The following RELN variants were observed in gnomAD, a reference collection of about 807,000 sequenced individuals.
RELN encodes reelin.
Under a neutral mutation model 427.6 loss-of-function variants are expected in RELN, and 108 were observed. The observed-to-expected ratio is 0.25, with a 90% CI of 0.22 to 0.30. The LOEUF is 0.30. Among genes scored for constraint, RELN ranks in the 10% least tolerant of loss-of-function variants. The pLI, the probability that RELN is intolerant of heterozygous loss-of-function variation, is 1.00. For missense variants in RELN, 3,715 were observed against 4,302.8 expected, an observed-to-expected ratio of 0.86 and a Z score of 3.82; for synonymous variants, 1,524 against 1,513.4, an observed-to-expected ratio of 1.01 and a Z score of -0.16.
chr7:103,907,774 CT>C (rs66772046), intron 2 of RELN, among the ~76,000 whole-genome samples: 83,497 of 147,234 alleles, frequency 0.57, 23,801 homozygotes, highest in Non-Finnish European at 0.64. Context: ...GTTTTTTTTT[CT>C]TTTTTAAAAA....
chr7:103,929,855 G>A (rs1383793643), intron 1 of RELN, among the ~76,000 whole-genome samples: 1 of 152,216 alleles, frequency 6.6e-6, no homozygotes, highest in East Asian at 1.9e-4. Context: ...AACGCATCCG[G>A]CAACTCAAAA....
At chr7:103,874,348 T>A (rs1794425229) in intron 2 of RELN, among the ~76,000 whole-genome samples, 1 of 139,816 alleles carries the variant, frequency 7.2e-6, no homozygotes, top group Non-Finnish European at 1.6e-5. Context: ...TGTTGGAAGT[T>A]CTGACCAGGG....
Position 103,653,810 on chromosome 7 carries a change from G to C in RELN, c.1554+283C>G, listed in dbSNP as rs534452210. 8.3e-4 allele frequency among the ~76,000 whole-genome samples: 127 copies of C among 152,144 alleles called. 1 individual carries two copies. The highest frequency in any genetic ancestry group is 1.4e-3 in the Non-Finnish European group (95 of 67,990). On this transcript the variant is annotated intron_variant, in intron 13 of 64. Transcript: ENST00000428762. ...GGGGGCATAATTAGAGTTACATTTA[G>C]GGCTTTCTTGGGGACAAGAATAACT...
chr7:103,849,678 G>C (rs1793771059), intron 2 of RELN, among the ~76,000 whole-genome samples: 1 of 152,114 alleles, frequency 6.6e-6, no homozygotes, highest in Non-Finnish European at 1.5e-5. Flanking sequence ...CATAGAACTG[G>C]AGTCAGTGAA....
At chr7:103,509,256 T>C (rs1298324709) in intron 51 of RELN, among the ~76,000 whole-genome samples, 2 of 152,136 alleles carry the variant, frequency 1.3e-5, no homozygotes, top group Non-Finnish European at 2.9e-5. Context: ...CAAAGTATAC[T>C]ATAAGGCAAC....
At chr7:103,885,398 T>G (rs1794702777) in intron 2 of RELN, among the ~76,000 whole-genome samples, 2 of 151,838 alleles carry the variant, frequency 1.3e-5, no homozygotes, top group Admixed American at 1.3e-4. Flanking sequence ...CATGGAATAC[T>G]ATGCAGCCAT....
chr7:103,931,057 T>G (rs764197831), intron 1 of RELN, among the ~76,000 whole-genome samples: 2 of 152,108 alleles, frequency 1.3e-5, no homozygotes, highest in African/African-American at 2.4e-5. Context: ...TAAAATTCCC[T>G]TTTGGAGCCT....
At chr7:103,728,285 T>C (rs1790265165) in intron 6 of RELN, 78 bp from the exon 7 acceptor site, 1 of 1,302,162 alleles carries the variant, frequency 7.7e-7, no homozygotes. Context: ...AGAAACGATA[T>C]AATATTTATT....
At chr7:103,740,599 C>A (rs548919204) in intron 6 of RELN, among the ~76,000 whole-genome samples, 1 of 152,012 alleles carries the variant, frequency 6.6e-6, no homozygotes, top group South Asian at 2.1e-4. Flanking sequence ...TTTATAATAT[C>A]ATTTTATGTT....
chr7:103,755,238 G>A (rs975554626), intron 4 of RELN, among the ~76,000 whole-genome samples: 3 of 151,672 alleles, frequency 2.0e-5, no homozygotes, highest in Non-Finnish European at 4.4e-5. Context: ...GGCGGATCAC[G>A]AGGGCGGATC....
In RELN at chr7:103,538,297, G is replaced by A. The variant is rs531590638; in HGVS notation, c.7180+781C>T. On this transcript the variant is annotated intron_variant, in intron 45 of 64. Transcript: ENST00000428762. ...ATCTAAAACTGAACGGGGACCTTGT[G>A]AACATTCTAGTTTTTGTCTGTTGGA... Among the ~76,000 whole-genome samples the A allele has an allele frequency of 2.4e-4, 37 of 151,936 alleles. No homozygotes were observed. In the East Asian group the frequency reaches 2.5e-3, roughly 10 times the overall value.
intron 28 of RELN, among the ~76,000 whole-genome samples, chr7:103,588,957 A>G (rs74300463): frequency 0.09 from 12,727 of 141,372 alleles, 674 homozygotes; most frequent in East Asian, 0.16. Context: ...TTAGAGTTAT[A>G]ATTTGTTTCA....
intron 2 of RELN, among the ~76,000 whole-genome samples, chr7:103,874,444 A>G (rs1323863918): frequency 1.4e-5 from 2 of 144,602 alleles, no homozygotes; most frequent in African/African-American, 2.5e-5. Flanking sequence ...ACATGATTGT[A>G]TATCTAGAAA....
intron 46 of RELN, among the ~76,000 whole-genome samples, chr7:103,523,872 T>G (rs1277123471): frequency 6.6e-6 from 1 of 152,088 alleles, no homozygotes; most frequent in African/African-American, 2.4e-5. Context: ...AGACAGAGTT[T>G]CACCATGTTG....
intron 2 of RELN, among the ~76,000 whole-genome samples, chr7:103,898,886 A>G (rs545380228): frequency 1.3e-4 from 20 of 152,224 alleles, no homozygotes; most frequent in African/African-American, 4.8e-4. Flanking sequence ...TCAGAAAATT[A>G]GAAAGTAGAG....
intron 1 of RELN, among the ~76,000 whole-genome samples, chr7:103,952,518 A>AACACACAC (rs144751365): frequency 1.9e-3 from 276 of 148,352 alleles, no homozygotes; most frequent in African/African-American, 6.7e-3. Flanking sequence ...TTAAACCTTA[A>AACACACAC]ACACACACAC....
chr7:103,637,024 C>T (rs1166351967), intron 17 of RELN, among the ~76,000 whole-genome samples: 1 of 152,106 alleles, frequency 6.6e-6, no homozygotes, highest in Non-Finnish European at 1.5e-5. Context: ...ACTGTGTTGC[C>T]TCTCAGTGGA....
chr7:103,602,336 T>C (rs565858231), intron 24 of RELN, among the ~76,000 whole-genome samples: 1 of 152,310 alleles, frequency 6.6e-6, no homozygotes, highest in Admixed American at 6.5e-5. Context: ...TATGGGTATA[T>C]ACCCAAAGGA....
chr7:103,976,843 GA>G lies in RELN; in HGVS notation c.226+12287del, dbSNP rs1445780045. 3.3e-5 allele frequency among the ~76,000 whole-genome samples: 5 copies of G among 152,254 alleles called. No homozygotes were observed. In the East Asian group the frequency reaches 9.7e-4, roughly 29 times the overall value. ...GGTCGGGCAAATTGATTGAGTCCAGGAGTTCAAGACCAGCCTGGGCAACACA... is the reference window on the plus strand; with the variant it reads ...GGTCGGGCAAATTGATTGAGTCCAGGGTTCAAGACCAGCCTGGGCAACACA... On this transcript the variant is annotated intron_variant, in intron 1 of 64. Coordinates refer to ENST00000428762, the MANE Select transcript of RELN (RefSeq NM_005045.4).
Sources: gnomAD v4.1 joint callset for allele counts (sites outside exome capture counted in the v4.1 genomes callset) on GRCh38, gnomAD v4.1.1 for gene constraint, MANE v1.5 for transcripts, NCBI Gene and HGNC (gene_info 2026-07-23, HGNC 2026-07-21) for gene names.